STT3A: variants seen among roughly 807,000 people sequenced by gnomAD.
STT3A encodes the protein dolichyl-diphosphooligosaccharide--protein glycosyltransferase subunit STT3A.
STT3A carries 34 observed loss-of-function variants against 89.2 expected under a neutral mutation model. That is an observed-to-expected ratio of 0.38 (90% CI 0.29 to 0.51). The LOEUF is 0.51. Ranked by LOEUF, STT3A falls within the 20% of genes least tolerant of loss-of-function variation. The pLI, the probability that STT3A is intolerant of heterozygous loss-of-function variation, is 0.89. For missense variants in STT3A, 555 were observed against 889.5 expected (o/e 0.62, Z 4.78); for synonymous variants, 282 against 310.3 (o/e 0.91, Z 0.96).
intron 5 of STT3A, 149 bp from the exon 6 acceptor site, chr11:125,604,008 A>G: frequency 1.3e-6 from 1 of 765,278 alleles, no homozygotes; most frequent in Non-Finnish European, 2.1e-6. Flanking sequence ...TGCTGTGAGC[A>G]TTTCTAGCAT....
chr11:125,608,442 G>A (rs1939902438), intron 9 of STT3A, 153 bp downstream of exon 9: 1 of 753,146 alleles, frequency 1.3e-6, no homozygotes, highest in Non-Finnish European at 1.9e-6. Context: ...AGCCTCCTGA[G>A]TAGCTGGGAT....
Position 125,614,525 on chromosome 11 carries a change from A to T in STT3A, c.1774+99A>T. ...GTACTTTTACTAATATTTTACTAAG[A>T]TATTTTTCTTTCATGGGAAGTTCCT... is the stretch of plus-strand genomic sequence containing the variant. On this transcript the variant is annotated intron_variant, in intron 15 of 17. Coordinates refer to ENST00000392708, the MANE Select transcript of STT3A (RefSeq NM_152713.5). This position sits in a 1 kb window ranked among gnomAD's most constrained non-coding sequence, Gnocchi z 4.9. 8.2e-7 allele frequency: 1 copy of T among 1,221,018 alleles called. No individual in the cohort carries two copies. The highest frequency in any genetic ancestry group is 1.1e-6 in the Non-Finnish European group (1 of 870,048). 75.6% of individuals were successfully genotyped at this position (1,221,018 alleles called of 1,614,324 possible). A position where few individuals can be genotyped will look rare whatever the true frequency, so the allele number is the denominator to read the frequency against.
At chr11:125,607,959 T>G in intron 8 of STT3A, 150 bp from the exon 9 acceptor site, 1 of 706,210 alleles carries the variant, frequency 1.4e-6, no homozygotes, top group Non-Finnish European at 2.2e-6. Flanking sequence ...GCTGGTGAAT[T>G]AAACCCTTCC....
rs116567443 is a variant in STT3A at position 125,611,663 on chromosome 11, C to A, written c.1209+144C>A. 1,368 of 724,914 alleles carry A rather than the reference C, an allele frequency of 1.9e-3. 12 individuals carry two copies. The African/African-American group carries it at 0.022, about 12-fold the overall frequency. 44.9% of individuals were successfully genotyped at this position (724,914 alleles called of 1,614,324 possible). A position where few individuals can be genotyped will look rare whatever the true frequency, so the allele number is the denominator to read the frequency against. On this transcript the variant is annotated intron_variant, in intron 11 of 17. Transcript: ENST00000392708. Reference sequence around the variant, plus strand: ...AGGGAATGAGTTGTAAGTTGTTGATCCTTTCCAGGAACGTATGGGACACTC... The same window carrying A: ...AGGGAATGAGTTGTAAGTTGTTGATACTTTCCAGGAACGTATGGGACACTC...
intron 8 of STT3A, 58 bp downstream of exon 8, chr11:125,606,523 A>C: frequency 6.6e-7 from 1 of 1,522,280 alleles, no homozygotes; most frequent in East Asian, 2.3e-5. Context: ...AGCCCCAACT[A>C]GACTGATTTA....
rs529623468 is a variant in STT3A at position 125,603,266 on chromosome 11, A to C, written c.417+318A>C. 3.2e-5 allele frequency: 7 copies of C among 218,444 alleles called. No individual in the cohort carries two copies. The South Asian group carries it at 9.1e-4, about 28-fold the overall frequency. The allele number at this position is 218,444 out of a possible 1,614,324, so 13.5% of individuals were successfully genotyped here. A position where few individuals can be genotyped will look rare whatever the true frequency, so the allele number is the denominator to read the frequency against. ...ACAATGTAAGGGAGAGGAAAAAAAA[A>C]CTACATGAAACATTCCAAAACGGTT... On this transcript the variant is annotated intron_variant, in intron 5 of 17. Transcript: ENST00000392708.
chr11:125,605,142 A>G (rs1173344396), intron 6 of STT3A, among the ~76,000 whole-genome samples: 1 of 151,504 alleles, frequency 6.6e-6, no homozygotes, highest in Middle Eastern at 3.2e-3. Context: ...TTTAAGAAAA[A>G]AAAAAAGCAG....
intron 7 of STT3A, among the ~76,000 whole-genome samples, 176 bp downstream of exon 7, chr11:125,605,911 A>G (rs1469521708): frequency 6.6e-6 from 1 of 151,948 alleles, no homozygotes; most frequent in Non-Finnish European, 1.5e-5. Context: ...AATTGCTTCC[A>G]CTTGCTCACA....
chr11:125,616,686 T>C (rs1940189384), intron 15 of STT3A, among the ~76,000 whole-genome samples: 1 of 152,178 alleles, frequency 6.6e-6, no homozygotes, highest in African/African-American at 2.4e-5. Context: ...TCATCATCAT[T>C]ATTGTTTTTG....
chr11:125,608,343 T>A, intron 9 of STT3A, 54 bp downstream of exon 9: 2 of 1,526,860 alleles, frequency 1.3e-6, no homozygotes, highest in Non-Finnish European at 1.7e-6. Flanking sequence ...AGATGGAGTT[T>A]CGCTCTTGTT....
chr11:125,604,069 C>A, intron 5 of STT3A, 88 bp from the exon 6 acceptor site: 1 of 1,358,544 alleles, frequency 7.4e-7, no homozygotes, highest in Non-Finnish European at 1.0e-6. Context: ...TTTCTGGGCT[C>A]ATTATAAACA....
Position 125,605,610 on chromosome 11 carries a change from TG to T in STT3A, c.509-17del. 1.3e-6 allele frequency: 2 copies of T among 1,598,512 alleles called. No individual in the cohort carries two copies. The highest frequency in any genetic ancestry group is 4.5e-5 in the East Asian group (2 of 44,716). ...CTAGCCTGGCCTCTTGTTGAATTTT[TG>T]GTGTGTCCTTTCTGCAGGGATTGCC... On this transcript the variant is annotated intron_variant, in intron 6 of 17. Transcript: ENST00000392708.
At chr11:125,607,510 T>C (rs1591375549) in intron 8 of STT3A, among the ~76,000 whole-genome samples, 1 of 152,156 alleles carries the variant, frequency 6.6e-6, no homozygotes, top group Non-Finnish European at 1.5e-5. Context: ...GGAAGTGTGG[T>C]TCTTGAATCA....
chr11:125,617,897 T>C (rs933566217), intron 15 of STT3A, among the ~76,000 whole-genome samples: 3 of 152,240 alleles, frequency 2.0e-5, no homozygotes, highest in African/African-American at 7.2e-5. Flanking sequence ...AATAGTCATA[T>C]CAAAACATTA....
chr11:125,618,352 CT>C lies in STT3A; in HGVS notation c.1775-8del, dbSNP rs750373548. 0.14 allele frequency: 146,246 copies of C among 1,029,492 alleles called. No homozygotes were observed. The highest frequency in any genetic ancestry group is 0.18 in the South Asian group (10,727 of 60,144). The allele number at this position is 1,029,492 out of a possible 1,614,324, so 63.8% of individuals were successfully genotyped here. A position where few individuals can be genotyped will look rare whatever the true frequency, so the allele number is the denominator to read the frequency against. Reference sequence around the variant, plus strand: ...CAGCAACTTTTGTGATGCAGCAGTTCTTTTTTTTTTTTTCTCCTAGATATCA... The same window carrying C: ...CAGCAACTTTTGTGATGCAGCAGTTCTTTTTTTTTTTTCTCCTAGATATCA... On this transcript the variant is annotated intron_variant, in intron 15 of 17. Coordinates refer to ENST00000392708, the MANE Select transcript of STT3A (RefSeq NM_152713.5).
Position 125,602,845 on chromosome 11 carries a change from T to G in STT3A, c.314T>G (p.Phe105Cys). Residue 105 changes from phenylalanine (F) to cysteine (C), a missense_variant, in exon 5 of 18, where the codon TTT becomes TGT. Around this residue, in one of 5 missense-constraint regions of STT3A, gnomAD observed 129 missense variants for 193.2 expected, o/e 0.67. Transcript: ENST00000392708. ...GCTGCAATCTACCATGTACTCCATT[T>G]TTTCCACATCACCATCGACATTCGG... is the stretch of plus-strand genomic sequence containing the variant. ...TSAAIYHVLH[F>C]FHITIDIRNV... 6.2e-7 allele frequency: 1 copy of G among 1,614,178 alleles called. No individual in the cohort carries two copies. Among genetic ancestry groups the G allele is most frequent in the Admixed American group, 1.7e-5 (1 of 60,006 alleles).
intron 1 of STT3A, 149 bp from the exon 2 acceptor site, chr11:125,595,732 G>C: frequency 1.8e-6 from 1 of 567,448 alleles, no homozygotes; most frequent in Non-Finnish European, 3.1e-6. Context: ...CATACTTTAG[G>C]CCAGGCTTGG....
chr11:125,592,499 G>T, upstream of STT3A: 1 of 455,570 alleles, frequency 2.2e-6, no homozygotes, highest in South Asian at 1.6e-5. Flanking sequence ...CGTAGTTTCC[G>T]CTTCTTGTCA....
chr11:125,611,825 G>GT (rs1471006979), intron 11 of STT3A, among the ~76,000 whole-genome samples: 2 of 136,620 alleles, frequency 1.5e-5, no homozygotes, highest in Non-Finnish European at 3.1e-5. Flanking sequence ...AGGCTTGGGA[G>GT]TATTACCCAG....
Sources: gnomAD v4.1 joint callset for allele counts (sites outside exome capture counted in the v4.1 genomes callset) on GRCh38, gnomAD v4.1.1 for gene constraint, gnomAD v4.1.1 regional missense constraint, Gnocchi (gnomAD v3.1) non-coding constraint, MANE v1.5 for transcripts, NCBI Gene and HGNC (gene_info 2026-07-23, HGNC 2026-07-21) for gene names.